Variants in ZNF831 observed in about 807,000 individuals in gnomAD.
The protein encoded by ZNF831 is chromosome 20 open reading frame 174.
A neutral mutation model predicts 95.8 loss-of-function variants in ZNF831; 59 were observed. The observed-to-expected ratio is 0.62, with a 90% CI of 0.50 to 0.77. The LOEUF (loss-of-function observed/expected upper bound fraction) is 0.77. Among genes scored for constraint, ZNF831 ranks in the 30% least tolerant of loss-of-function variants. The probability of loss-of-function intolerance (pLI) is 0.00; values close to 1 mark genes in which losing one functional copy is unlikely to be tolerated. For missense variants in ZNF831, 2,205 were observed against 2,164.0 expected, an observed-to-expected ratio of 1.02 and a Z score of -0.38; for synonymous variants, 961 against 925.5, an observed-to-expected ratio of 1.04 and a Z score of -0.70.
intron 4 of ZNF831, among the ~76,000 whole-genome samples, chr20:59,235,664 G>C (rs751339994): frequency 5.9e-5 from 9 of 152,088 alleles, no homozygotes; most frequent in Admixed American, 1.3e-4. Flanking sequence ...ATAATCAGTG[G>C]AGAGGTGCTA....
intron 4 of ZNF831, among the ~76,000 whole-genome samples, chr20:59,247,917 G>T (rs1373902495): frequency 6.6e-6 from 1 of 152,198 alleles, no homozygotes; most frequent in African/African-American, 2.4e-5. Context: ...TGGCATTAAA[G>T]ATGTCTACAG....
chr20:59,197,239 G>A lies in ZNF831; in HGVS notation c.3875+1234G>A, dbSNP rs77839848. 2.0e-3 allele frequency among the ~76,000 whole-genome samples: 298 copies of A among 152,280 alleles called. 1 individual carries two copies. Among genetic ancestry groups the A allele is most frequent in the African/African-American group, 6.9e-3 (285 of 41,546 alleles). ...TCTATCAATGGTCTGCCGGGACCAT[G>A]TGTCCAGAGCTAACATTATGGGGCA... On this transcript the variant is annotated intron_variant, in intron 3 of 5. Transcript: ENST00000371030.
intron 4 of ZNF831, among the ~76,000 whole-genome samples, chr20:59,210,379 C>T (rs547903785): frequency 5.6e-4 from 85 of 152,220 alleles, no homozygotes; most frequent in African/African-American, 1.9e-3. Flanking sequence ...TGGGGCTCCG[C>T]GGAGCCGCCA....
intron 1 of ZNF831, among the ~76,000 whole-genome samples, chr20:59,172,948 C>T (rs1213291624): frequency 6.6e-6 from 1 of 152,198 alleles, no homozygotes; most frequent in African/African-American, 2.4e-5. Flanking sequence ...CTCCTTGGGC[C>T]ATGCTGAGAT....
intron 1 of ZNF831, among the ~76,000 whole-genome samples, chr20:59,132,352 G>A (rs367877092): frequency 7.5e-5 from 11 of 147,194 alleles, no homozygotes; most frequent in Non-Finnish European, 1.6e-4. Context: ...TGCCTATAGT[G>A]AATGTGTTTG....
rs777679293 is a variant in ZNF831 at position 59,254,276 on chromosome 20, A to C, written c.4567A>C (p.Thr1523Pro). 12 of 1,613,716 alleles carry C rather than the reference A, an allele frequency of 7.4e-6. No individual in the cohort carries two copies. The highest frequency in any genetic ancestry group is 1.0e-5 in the Non-Finnish European group (12 of 1,179,914). The change falls in exon 6 of 6, where the codon ACT (threonine) becomes CCT (proline). Residue 1523 changes from threonine (T) to proline (P), a missense_variant. By Grantham distance (38) the Thr-to-Pro change is conservative (BLOSUM62 -1). Transcript: ENST00000371030. The surrounding 1 kb of genome is among the most constrained non-coding windows in gnomAD (Gnocchi z 4.5). ...SRDHSQTAGR[T>P]LTSSSPDSKV... ...AGACCACAGCCAGACTGCAGGGAGG[A>C]CTCTGACATCAAGCTCCCCAGACAG...
rs1983753737 is a variant in ZNF831, at chr20:59,193,121, C to T, written c.2102C>T (p.Ala701Val). Residue 701 changes from alanine to valine, a missense_variant, in exon 2 of 6, where the codon GCC becomes GTC. Ala to Val is a moderately conservative substitution (Grantham distance 64, BLOSUM62 0). Transcript: ENST00000371030. ...EPWGNPPALE[A>V]SLVTEPTKHG... ...TGGGGAAATCCACCAGCCCTGGAGG[C>T]CTCCTTGGTGACTGAACCCACTAAG... 1 of 1,584,946 alleles carries T rather than the reference C, an allele frequency of 6.3e-7. No individual in the cohort carries two copies. Among genetic ancestry groups the T allele is most frequent in the Admixed American group, 1.8e-5 (1 of 54,864 alleles).
chr20:59,176,913 G>A (rs1223718050), intron 1 of ZNF831, among the ~76,000 whole-genome samples: 3 of 152,214 alleles, frequency 2.0e-5, no homozygotes, highest in South Asian at 2.1e-4. Flanking sequence ...AGGCAATCAC[G>A]AATCGTGGTG....
intron 1 of ZNF831, among the ~76,000 whole-genome samples, chr20:59,170,135 C>T (rs1387898677): frequency 6.6e-6 from 1 of 151,958 alleles, no homozygotes; most frequent in Non-Finnish European, 1.5e-5. Flanking sequence ...CAATTAATAG[C>T]AGTTTATTTT....
chr20:59,188,291 C>T (rs573835286), intron 1 of ZNF831, among the ~76,000 whole-genome samples: 8 of 152,224 alleles, frequency 5.3e-5, no homozygotes, highest in Non-Finnish European at 1.2e-4. Context: ...AAATTCTCCA[C>T]ATCCTCACCA....
At chr20:59,248,097 A>G (rs1419254148) in intron 4 of ZNF831, among the ~76,000 whole-genome samples, 1 of 152,238 alleles carries the variant, frequency 6.6e-6, no homozygotes, top group Non-Finnish European at 1.5e-5. Context: ...AGTTATTAAA[A>G]ACACAGCCTT....
At chr20:59,183,608 C>G (rs1270746298) in intron 1 of ZNF831, among the ~76,000 whole-genome samples, 2 of 152,212 alleles carry the variant, frequency 1.3e-5, no homozygotes, top group African/African-American at 4.8e-5. Flanking sequence ...TTGGCCCCCT[C>G]GTTCCTGCAG....
intron 1 of ZNF831, among the ~76,000 whole-genome samples, chr20:59,139,093 G>C (rs1274905644): frequency 2.0e-5 from 3 of 151,934 alleles, no homozygotes; most frequent in Non-Finnish European, 2.9e-5. Context: ...TAAATAAAGT[G>C]TTTCTCTATC....
chr20:59,194,849 C>A, intron 2 of ZNF831, 92 bp downstream of exon 2: 1 of 1,436,092 alleles, frequency 7.0e-7, no homozygotes, highest in Non-Finnish European at 9.2e-7. Flanking sequence ...CTGAAGCCGT[C>A]CCATGTAGCA....
rs183800513 is a variant in ZNF831 at position 59,218,011 on chromosome 20, C to T, written c.4027+10955C>T. ...CAATTTGCAAAAGAGATGAGTTGAT[C>T]TGCAGGCTGCCAAGCCCCAGTGTTA... is the stretch of plus-strand genomic sequence containing the variant. On this transcript the variant is annotated intron_variant, in intron 4 of 5. Transcript: ENST00000371030. Among the ~76,000 whole-genome samples, 68 of 152,310 alleles carry T rather than the reference C, an allele frequency of 4.5e-4. 1 individual carries two copies. Among genetic ancestry groups the T allele is most frequent in the African/African-American group, 1.5e-3 (64 of 41,574 alleles).
rs2146542914 is a variant in ZNF831, at chr20:59,191,123, T to A, written c.104T>A (p.Leu35Gln). 6.3e-7 allele frequency: 1 copy of A among 1,597,158 alleles called. No homozygotes were observed. The highest frequency in any genetic ancestry group is 8.5e-7 in the Non-Finnish European group (1 of 1,176,966). Residue 35 changes from leucine to glutamine, a missense_variant, in exon 2 of 6, where the codon CTG becomes CAG. Transcript: ENST00000371030. ...GAPGGQASPH[L>Q]TLGPVLLPPE... is the part of the protein sequence containing the mutation. ...CCAGGTGGCCAGGCCTCACCTCACC[T>A]GACCCTGGGCCCTGTCCTTCTGCCG...
chr20:59,197,363 C>G (rs921729785), intron 3 of ZNF831, among the ~76,000 whole-genome samples: 1 of 152,070 alleles, frequency 6.6e-6, no homozygotes, highest in Non-Finnish European at 1.5e-5. Context: ...ATTATTAGCC[C>G]CATTTTTCTC....
chr20:59,168,662 T>C (rs1205201053), intron 1 of ZNF831, among the ~76,000 whole-genome samples: 2 of 152,134 alleles, frequency 1.3e-5, no homozygotes, highest in African/African-American at 4.8e-5. Context: ...CATCTTTCTT[T>C]TTCCTGATCT....
intron 1 of ZNF831, among the ~76,000 whole-genome samples, chr20:59,164,900 C>T (rs1981132263): frequency 6.6e-6 from 1 of 152,100 alleles, no homozygotes; most frequent in Admixed American, 6.5e-5. Flanking sequence ...ATGTTATCTA[C>T]CAAAATGCAA....
Sources: allele counts gnomAD v4.1 joint callset (sites outside exome capture counted in the v4.1 genomes callset), GRCh38; gene constraint gnomAD v4.1.1; non-coding constraint Gnocchi (gnomAD v3.1); transcripts MANE v1.5; gene names NCBI Gene and HGNC (gene_info 2026-07-23, HGNC 2026-07-21).